Variants in NAA35 observed in about 807,000 individuals in gnomAD.
NAA35 encodes the protein N-alpha-acetyltransferase 35, NatC auxiliary subunit.
NAA35 carries 18 observed loss-of-function variants against 101.7 expected under a neutral mutation model. The observed-to-expected ratio is 0.18, with a 90% CI of 0.12 to 0.26. The LOEUF (loss-of-function observed/expected upper bound fraction) is 0.26. Among genes scored for constraint, NAA35 ranks in the 10% least tolerant of loss-of-function variants. NAA35 has a pLI of 1.00. For synonymous variants in NAA35, 267 were observed against 273.1 expected, an observed-to-expected ratio of 0.98 and a Z score of 0.22; for missense variants, 601 against 886.8, an observed-to-expected ratio of 0.68 and a Z score of 4.09.
At chr9:85,982,815 G>A (rs1478930093) in intron 11 of NAA35, among the ~76,000 whole-genome samples, 1 of 152,132 alleles carries the variant, frequency 6.6e-6, no homozygotes, top group Non-Finnish European at 1.5e-5. Context: ...TGATAAAGAT[G>A]AAAAAGACAG....
At chr9:85,971,841 T>G (rs929782587) in intron 6 of NAA35, among the ~76,000 whole-genome samples, 4 of 151,864 alleles carry the variant, frequency 2.6e-5, no homozygotes, top group African/African-American at 9.7e-5. Context: ...TCCTGATTTT[T>G]TTTTTTTTTT....
intron 11 of NAA35, among the ~76,000 whole-genome samples, chr9:85,985,813 A>G (rs978524588): frequency 6.6e-6 from 1 of 152,222 alleles, no homozygotes; most frequent in African/African-American, 2.4e-5. Context: ...CTGGGGGGAA[A>G]TGGTTTTTAA....
chr9:86,010,627 T>C (rs1185098865), intron 15 of NAA35, among the ~76,000 whole-genome samples: 1 of 144,470 alleles, frequency 6.9e-6, no homozygotes, highest in Non-Finnish European at 1.5e-5. Context: ...CAGGCGGGAG[T>C]GCAGTGGCGC....
chr9:86,013,291 A>C, intron 16 of NAA35, 147 bp downstream of exon 16: 2 of 470,176 alleles, frequency 4.3e-6, no homozygotes, highest in Middle Eastern at 3.1e-4. Context: ...TCTTACACCA[A>C]CGTTTACAAA....
Position 85,978,380 on chromosome 9 carries a change from A to G in NAA35, c.876A>G (p.Gly292=), listed in dbSNP as rs1444820631. 6.3e-7 allele frequency: 1 copy of G among 1,578,242 alleles called. No individual in the cohort carries two copies. Among genetic ancestry groups the G allele is most frequent in the East Asian group, 2.2e-5 (1 of 44,668 alleles). Residue 292 remains glycine, a splice_region_variant and synonymous_variant, in exon 11 of 23, where the codon GGA becomes GGG. Coordinates refer to ENST00000361671, the MANE Select transcript of NAA35 (RefSeq NM_024635.4). ...AGGCCCAGAATGATACTACAAAAGGAGGTAATTGTTCAATTTGCTCCTACT... is the reference window on the plus strand; with the variant it reads ...AGGCCCAGAATGATACTACAAAAGGGGGTAATTGTTCAATTTGCTCCTACT... The part of the protein sequence containing the change: ...GIQAQNDTTK[G]DHPIMMGFEP...
Position 86,024,614 on chromosome 9 carries a change from A to G in NAA35, c.*2654A>G, listed in dbSNP as rs1445403016. On this transcript the variant is annotated 3_prime_UTR_variant, in exon 23 of 23. Coordinates refer to ENST00000361671, the MANE Select transcript of NAA35 (RefSeq NM_024635.4). ...TCAAATGTTTTCAGAGGTACAGCTAATGGGACATGGTGAATGAGAGTTTCT... is the reference window on the plus strand; with the variant it reads ...TCAAATGTTTTCAGAGGTACAGCTAGTGGGACATGGTGAATGAGAGTTTCT... 6.6e-6 allele frequency among the ~76,000 whole-genome samples: 1 copy of G among 152,184 alleles called. No homozygotes were observed. Among genetic ancestry groups the G allele is most frequent in the East Asian group, 1.9e-4 (1 of 5,196 alleles).
intron 11 of NAA35, among the ~76,000 whole-genome samples, chr9:85,982,793 T>G (rs1033050160): frequency 6.6e-6 from 1 of 152,146 alleles, no homozygotes; most frequent in East Asian, 1.9e-4. Flanking sequence ...TTTTTTTCTT[T>G]CAAGGCATAA....
intron 6 of NAA35, among the ~76,000 whole-genome samples, chr9:85,970,217 C>G (rs185293805): frequency 3.0e-4 from 46 of 152,218 alleles, no homozygotes; most frequent in Middle Eastern, 6.8e-3. Context: ...TTCTAGTGGC[C>G]ATGGGTGAAA....
chr9:85,942,676 C>T (rs965550141), intron 2 of NAA35, among the ~76,000 whole-genome samples: 1 of 152,182 alleles, frequency 6.6e-6, no homozygotes, highest in African/African-American at 2.4e-5. Context: ...ATAAAATCCA[C>T]CCTCCTTCCC....
intron 16 of NAA35, among the ~76,000 whole-genome samples, 194 bp downstream of exon 16, chr9:86,013,338 T>C (rs1437250128): frequency 6.6e-6 from 1 of 152,226 alleles, no homozygotes; most frequent in Non-Finnish European, 1.5e-5. Context: ...ATAGATATCT[T>C]AAATATTTCT....
Position 86,024,462 on chromosome 9 carries a change from A to G in NAA35, c.*2502A>G, listed in dbSNP as rs537899320. Among the ~76,000 whole-genome samples the G allele has an allele frequency of 2.0e-5, 3 of 152,290 alleles. No individual in the cohort carries two copies. In the East Asian group the frequency reaches 5.8e-4, roughly 29 times the overall value. On this transcript the variant is annotated 3_prime_UTR_variant, in exon 23 of 23. Coordinates refer to ENST00000361671, the MANE Select transcript of NAA35 (RefSeq NM_024635.4). ...CTGAAGGCTTGTATGCAGGGACATG[A>G]TGGGATCAAGTCAAATCTGCTTGCC...
At chr9:86,009,352 C>CAGAGG (rs2118391980) in intron 14 of NAA35, among the ~76,000 whole-genome samples, 1 of 152,234 alleles carries the variant, frequency 6.6e-6, no homozygotes, top group African/African-American at 2.4e-5. Context: ...GTGACCTTGA[C>CAGAGG]TCTGTTAATC....
chr9:85,971,845 T>G (rs1830012201), intron 6 of NAA35, among the ~76,000 whole-genome samples: 1 of 151,864 alleles, frequency 6.6e-6, no homozygotes, highest in East Asian at 1.9e-4. Context: ...GATTTTTTTT[T>G]TTTTTTTAAC....
chr9:85,975,298 T>C, intron 8 of NAA35, 141 bp downstream of exon 8: 1 of 774,568 alleles, frequency 1.3e-6, no homozygotes, highest in South Asian at 2.1e-5. Flanking sequence ...TGAACACTGC[T>C]AGAGGAGTTT....
chr9:85,947,300 A>G (rs751310074), intron 2 of NAA35, among the ~76,000 whole-genome samples: 6 of 152,132 alleles, frequency 3.9e-5, no homozygotes, highest in Admixed American at 1.3e-4. Flanking sequence ...AAAAAATACA[A>G]ATTCTTTGTG....
intron 11 of NAA35, among the ~76,000 whole-genome samples, chr9:85,980,670 G>A (rs1377552162): frequency 6.6e-6 from 1 of 152,122 alleles, no homozygotes; most frequent in Non-Finnish European, 1.5e-5. Context: ...GTATTGCCAT[G>A]CTTGGCATAT....
chr9:86,008,416 G>T (rs1831746823), intron 14 of NAA35, among the ~76,000 whole-genome samples: 1 of 152,126 alleles, frequency 6.6e-6, no homozygotes, highest in African/African-American at 2.4e-5. Context: ...TCTTTTGAAA[G>T]CAGAATTCAG....
intron 6 of NAA35, among the ~76,000 whole-genome samples, chr9:85,969,792 G>A (rs779110860): frequency 6.6e-6 from 1 of 150,746 alleles, no homozygotes; most frequent in Non-Finnish European, 1.5e-5. Context: ...GAGCCCAGGA[G>A]TTTGAGGCTA....
intron 14 of NAA35, among the ~76,000 whole-genome samples, chr9:86,008,821 A>AT (rs1283368763): frequency 6.6e-6 from 1 of 152,092 alleles, no homozygotes; most frequent in African/African-American, 2.4e-5. Flanking sequence ...GTTTCTCTTT[A>AT]TTTTAGGAGT....
Sources: allele counts gnomAD v4.1 joint callset (sites outside exome capture counted in the v4.1 genomes callset), GRCh38; gene constraint gnomAD v4.1.1; transcripts MANE v1.5; gene names NCBI Gene and HGNC (gene_info 2026-07-23, HGNC 2026-07-21).